The following SECISBP2 variants were observed in gnomAD, a reference collection of about 807,000 sequenced individuals.
SECISBP2 encodes the protein SECIS binding protein 2.
Under a neutral mutation model 98.2 loss-of-function variants are expected in SECISBP2, and 96 were observed. That is an observed-to-expected ratio of 0.98 (90% confidence interval 0.83 to 1.16). The LOEUF (loss-of-function observed/expected upper bound fraction) is 1.16, where lower values mean the gene tolerates loss of function less well. SECISBP2 is among the 50% of genes most tolerant of loss of function. SECISBP2 has a pLI of 0.00. For missense variants in SECISBP2, 1,046 were observed against 1,022.9 expected, an observed-to-expected ratio of 1.02 and a Z score of -0.31; for synonymous variants, 407 against 370.2, an observed-to-expected ratio of 1.10 and a Z score of -1.14.
intron 10 of SECISBP2, among the ~76,000 whole-genome samples, chr9:89,344,389 T>C (rs1830131782): frequency 1.3e-5 from 2 of 152,270 alleles, no homozygotes; most frequent in Non-Finnish European, 2.9e-5. Context: ...TGTCAGTTCC[T>C]GTGTCCAAAA....
At chr9:89,323,867 A>G (rs372626562) in intron 2 of SECISBP2, 1 of 152,340 alleles carries the variant, frequency 6.6e-6, no homozygotes, top group East Asian at 1.9e-4. Context: ...CAGTGAGGGG[A>G]CAGAAACCCA....
At chr9:89,346,852 C>T in intron 10 of SECISBP2, 30 bp from the exon 11 acceptor site, 1 of 1,613,432 alleles carries the variant, frequency 6.2e-7, no homozygotes, top group Non-Finnish European at 8.5e-7. Flanking sequence ...TGGGAGGTGA[C>T]CGTGAGGGCT....
chr9:89,320,568 A>G (rs992597447), intron 2 of SECISBP2, among the ~76,000 whole-genome samples: 2 of 152,092 alleles, frequency 1.3e-5, no homozygotes, highest in African/African-American at 4.8e-5. Flanking sequence ...CTGTGTGGAT[A>G]ATTTTTTGGA....
chr9:89,353,242 A>G lies in SECISBP2; in HGVS notation c.2113+2390A>G, dbSNP rs562108166. ...CCCAGGTGCTGTTGCTGCTTCTCCAAGGAGTGCACTGAGAACTTCTGCTGT... is the reference window on the plus strand; with the variant it reads ...CCCAGGTGCTGTTGCTGCTTCTCCAGGGAGTGCACTGAGAACTTCTGCTGT... On this transcript the variant is annotated intron_variant, in intron 14 of 16. Coordinates refer to ENST00000375807, the MANE Select transcript of SECISBP2 (RefSeq NM_024077.5). Among the ~76,000 whole-genome samples the G allele has an allele frequency of 5.3e-5, 8 of 152,274 alleles. No homozygotes were observed. In the East Asian group the frequency reaches 9.6e-4, roughly 18 times the overall value.
intron 14 of SECISBP2, among the ~76,000 whole-genome samples, chr9:89,354,615 C>G (rs1251208199): frequency 1.3e-5 from 2 of 152,104 alleles, no homozygotes; most frequent in Non-Finnish European, 2.9e-5. Flanking sequence ...AGTGTTTGCA[C>G]ACCATAGAGG....
intron 4 of SECISBP2, among the ~76,000 whole-genome samples, chr9:89,326,514 T>C (rs1826731794): frequency 2.0e-5 from 3 of 152,194 alleles, no homozygotes; most frequent in Admixed American, 2.0e-4. Flanking sequence ...ATGGAAAGTT[T>C]ACTAGCACAG....
chr9:89,360,401 T>TATCA (rs1402582107), downstream of SECISBP2, among the ~76,000 whole-genome samples: 2 of 152,230 alleles, frequency 1.3e-5, no homozygotes, highest in African/African-American at 4.8e-5. Flanking sequence ...CAAAATAGCC[T>TATCA]ATCAGCTGCA....
intron 7 of SECISBP2, among the ~76,000 whole-genome samples, chr9:89,335,184 C>G (rs991362983): frequency 2.7e-5 from 4 of 149,904 alleles, no homozygotes; most frequent in East Asian, 2.0e-4. Context: ...CCAGTGCACT[C>G]CAGCCTGGGC....
At chr9:89,354,824 C>A (rs762183472) in intron 14 of SECISBP2, 1 of 985,180 alleles carries the variant, frequency 1.0e-6, no homozygotes, top group Non-Finnish European at 1.2e-6. Context: ...CAGGCAGAGA[C>A]CCTCCAGTGA....
chr9:89,328,889 G>T lies in SECISBP2; in HGVS notation c.801+3G>T. ...AACCAGCTGCAGTGTTATCAAAGGT[G>T]AGGTGAGGGTTTCTCTCTTTTTCTT... is the stretch of plus-strand genomic sequence containing the variant. On this transcript the variant is annotated splice_donor_region_variant and intron_variant, in intron 5 of 16. Transcript: ENST00000375807. The T allele has an allele frequency of 6.2e-7, 1 of 1,605,866 alleles. No homozygotes were observed. Among genetic ancestry groups the T allele is most frequent in the Non-Finnish European group, 8.5e-7 (1 of 1,172,894 alleles).
intron 2 of SECISBP2, among the ~76,000 whole-genome samples, chr9:89,320,331 G>C (rs991472940): frequency 7.8e-5 from 11 of 140,730 alleles, no homozygotes; most frequent in Admixed American, 4.8e-4. Context: ...ACTCAAGCCT[G>C]GCTGACAGAG....
rs147882471 is a variant in SECISBP2, at chr9:89,332,976, A to G, written c.870A>G (p.Ser290=). Residue 290 remains serine (S), a synonymous_variant, in exon 6 of 17, where the codon TCA becomes TCG. Transcript: ENST00000375807. ...CTAATGCCGCTACCAATTCTCCTTC[A>G]TGTACAAGAGGTAAAAGTGGCTGCA... ...VTANAATNSP[S]CTRELSWTPM... is the part of the protein sequence containing the mutation. 20 of 1,613,558 alleles carry G rather than the reference A, an allele frequency of 1.2e-5. No individual in the cohort carries two copies. The Admixed American group carries it at 2.5e-4, about 20-fold the overall frequency.
chr9:89,338,568 T>C lies in SECISBP2; in HGVS notation c.1200T>C (p.Pro400=). 6.2e-7 allele frequency: 1 copy of C among 1,612,188 alleles called. No individual in the cohort carries two copies. The highest frequency in any genetic ancestry group is 8.5e-7 in the Non-Finnish European group (1 of 1,179,510). Residue 400 remains proline (P), a synonymous_variant, in exon 8 of 17, where the codon CCT becomes CCC. Transcript: ENST00000375807. The stretch of plus-strand genomic sequence containing the variant: ...ATGAAGTCCTGACAGTTCAAGAGCC[T>C]CCAAGGATTGAAGTACATTTATATT... ...SKYEVLTVQE[P]PRIEDAEEFP...
At chr9:89,340,249 T>C (rs74517016) in intron 9 of SECISBP2, among the ~76,000 whole-genome samples, 7,658 of 152,248 alleles carry the variant, frequency 0.05, 256 homozygotes, top group South Asian at 0.097. Flanking sequence ...TATGAAACTT[T>C]AAGGGGAAAA....
chr9:89,360,605 C>CTTTTCCTGGGATTT (rs1424833081), downstream of SECISBP2, among the ~76,000 whole-genome samples: 2 of 152,142 alleles, frequency 1.3e-5, no homozygotes, highest in African/African-American at 4.8e-5. Flanking sequence ...GAGAGCTTTC[C>CTTTTCCTGGGATTT]TTTTCCTGGG....
rs1165674128 is a variant in SECISBP2 at position 89,334,485 on chromosome 9, T to C, written c.881-37T>C. 10 of 1,548,204 alleles carry C rather than the reference T, an allele frequency of 6.5e-6. No homozygotes were observed. In the Admixed American group the frequency reaches 1.7e-4, roughly 26 times the overall value. ...TAACTAAGGAATTTCTATTTTACTG[T>C]TGAGATTGTTCAACAATTTTGGTTA... On this transcript the variant is annotated intron_variant, in intron 6 of 16. Coordinates refer to ENST00000375807, the MANE Select transcript of SECISBP2 (RefSeq NM_024077.5).
intron 1 of SECISBP2, chr9:89,318,882 G>C (rs1286788175): frequency 3.2e-6 from 4 of 1,246,480 alleles, no homozygotes; most frequent in Admixed American, 4.3e-5. Flanking sequence ...CCAGCCCGGC[G>C]CTCCCCGCAG....
Position 89,325,413 on chromosome 9 carries a change from C to T in SECISBP2, c.183-14C>T, listed in dbSNP as rs1368340549. On this transcript the variant is annotated splice_polypyrimidine_tract_variant and intron_variant, in intron 2 of 16. Coordinates refer to ENST00000375807, the MANE Select transcript of SECISBP2 (RefSeq NM_024077.5). Reference sequence around the variant, plus strand: ...GTATGAAATCTGCAACTAAAGTTTACACTTTTTACTTAGGCAGAAAATATA... The same window carrying T: ...GTATGAAATCTGCAACTAAAGTTTATACTTTTTACTTAGGCAGAAAATATA... The T allele has an allele frequency of 6.2e-7, 1 of 1,612,934 alleles. No individual in the cohort carries two copies. Among genetic ancestry groups the T allele is most frequent in the Admixed American group, 1.7e-5 (1 of 60,018 alleles).
intron 6 of SECISBP2, chr9:89,333,980 A>T: frequency 1.4e-5 from 14 of 1,016,650 alleles, no homozygotes; most frequent in Non-Finnish European, 1.5e-5. Flanking sequence ...ACAGGTGTTC[A>T]CCTGCCTGTG....
Sources: gnomAD v4.1 joint callset for allele counts (sites outside exome capture counted in the v4.1 genomes callset) on GRCh38, gnomAD v4.1.1 for gene constraint, MANE v1.5 for transcripts, NCBI Gene and HGNC (gene_info 2026-07-23, HGNC 2026-07-21) for gene names.